The following CPLANE2 variants were observed in gnomAD, a reference collection of about 807,000 sequenced individuals.
CPLANE2 encodes the protein ciliogenesis and planar polarity effector complex subunit 2.
In CPLANE2, 24 loss-of-function variants were observed where a neutral mutation model predicts 20.9. That is an observed-to-expected ratio of 1.15 (90% confidence interval 0.83 to 1.61). The LOEUF is 1.61. Among genes scored for constraint, CPLANE2 ranks in the 40% most tolerant of loss-of-function variants. The pLI is 0.00. For synonymous variants in CPLANE2, 132 were observed against 144.3 expected, an observed-to-expected ratio of 0.92 and a Z score of 0.61; for missense variants, 330 against 355.1, an observed-to-expected ratio of 0.93 and a Z score of 0.57.
Position 16,236,797 on chromosome 1 carries a change from G to A in CPLANE2, c.-55C>T, listed in dbSNP as rs2081468926. ...GACAGAATGCTGAGAGCAGGGAGTG[G>A]GAAGGGGAGTGACAGTACCAAGCCG... On this transcript the variant is annotated 5_prime_UTR_variant, in exon 1 of 5. Transcript: ENST00000375599. The A allele has an allele frequency of 4.6e-6, 6 of 1,312,914 alleles. No homozygotes were observed. In the East Asian group the frequency reaches 1.5e-4, roughly 33 times the overall value. The allele number at this position is 1,312,914 out of a possible 1,614,324, so 81.3% of individuals were successfully genotyped here.
intron 1 of CPLANE2, among the ~76,000 whole-genome samples, chr1:16,234,924 A>G (rs1483521229): frequency 6.6e-6 from 1 of 152,002 alleles, no homozygotes; most frequent in African/African-American, 2.4e-5. Context: ...GGGTTTCTCC[A>G]TGTTGGTCAG....
At chr1:16,234,877 G>A (rs1370811237) in intron 1 of CPLANE2, among the ~76,000 whole-genome samples, 6 of 151,978 alleles carry the variant, frequency 3.9e-5, no homozygotes, top group South Asian at 2.1e-4. Context: ...ATAGGCATGC[G>A]CCACCATGCC....
intron 2 of CPLANE2, 87 bp from the exon 3 acceptor site, chr1:16,233,104 T>G: frequency 1.3e-5 from 19 of 1,445,196 alleles, no homozygotes; most frequent in Non-Finnish European, 1.7e-5. Flanking sequence ...GAAGAAGAGA[T>G]ACATCCCTGC....
At position 16,232,223 on chromosome 1, in the gene CPLANE2, A is replaced by G. The variant is rs972334462; in HGVS notation, c.602T>C (p.Leu201Pro). 1.9e-6 allele frequency: 3 copies of G among 1,612,222 alleles called. No individual in the cohort carries two copies. Among genetic ancestry groups the G allele is most frequent in the African/African-American group, 1.3e-5 (1 of 74,930 alleles). The change falls in exon 5 of 5, where the codon CTG becomes CCG. Residue 201 changes from leucine to proline, a missense_variant. By Grantham distance (98) the Leu-to-Pro change is moderately conservative (BLOSUM62 -3). Transcript: ENST00000375599. ...CCCCGGCACACTCTTCACCCGTAGC[A>G]GGGGCAGCTCCCAGGCCTGCCGGAA... Reference protein sequence around the residue: ...TAFRQAWELPLLRVKSVPGRR... With the variant: ...TAFRQAWELPPLRVKSVPGRR...
chr1:16,233,160 G>T, intron 2 of CPLANE2, 143 bp from the exon 3 acceptor site: 1 of 928,000 alleles, frequency 1.1e-6, no homozygotes. Flanking sequence ...TCCTTGACCC[G>T]GGATAATTCT....
In CPLANE2 at chr1:16,232,178, C is replaced by T. The variant is rs773080454; in HGVS notation, c.647G>A (p.Arg216His). Residue 216 changes from arginine to histidine, a missense_variant, in exon 5 of 5, where the codon CGC becomes CAC. Arg to His is a conservative substitution (Grantham distance 29). Coordinates refer to ENST00000375599, the MANE Select transcript of CPLANE2 (RefSeq NM_030907.4). ...CAGCCCAGCCCGCCCGTCCAGTGTG[C>T]GCCCATCAGCCAGCCGCCGCCCCGG... is the stretch of plus-strand genomic sequence containing the variant. Reference protein sequence around the residue: ...SVPGRRLADGRTLDGRAGLAD... With the variant: ...SVPGRRLADGHTLDGRAGLAD... 2.7e-5 allele frequency: 43 copies of T among 1,613,078 alleles called. No homozygotes were observed. In the South Asian group the frequency reaches 4.4e-4, roughly 16 times the overall value.
intron 2 of CPLANE2, 64 bp downstream of exon 2, chr1:16,233,548 G>A (rs1202956178): frequency 1.3e-6 from 2 of 1,586,544 alleles, no homozygotes; most frequent in East Asian, 2.2e-5. Flanking sequence ...TCCAGGGCCA[G>A]GTTCTTGCCT....
rs780212789 is a variant in CPLANE2, at chr1:16,232,153, C to T, written c.672G>A (p.Leu224=). The T allele has an allele frequency of 8.1e-6, 13 of 1,613,236 alleles. No homozygotes were observed. Among genetic ancestry groups the T allele is most frequent in the Non-Finnish European group, 1.1e-5 (13 of 1,179,986 alleles). Residue 224 remains leucine, a synonymous_variant, in exon 5 of 5, where the codon CTG becomes CTA. Coordinates refer to ENST00000375599, the MANE Select transcript of CPLANE2 (RefSeq NM_030907.4). ...CATTGAGTATGTGGGCAACGTCGGCCAGCCCAGCCCGCCCGTCCAGTGTGC... is the reference window on the plus strand; with the variant it reads ...CATTGAGTATGTGGGCAACGTCGGCTAGCCCAGCCCGCCCGTCCAGTGTGC... ...DGRTLDGRAG[L]ADVAHILNGL...
In CPLANE2 at chr1:16,232,888, C is replaced by A; in HGVS notation, c.390+5G>T. On this transcript the variant is annotated splice_donor_5th_base_variant and intron_variant, in intron 3 of 4. Coordinates refer to ENST00000375599, the MANE Select transcript of CPLANE2 (RefSeq NM_030907.4). The stretch of plus-strand genomic sequence containing the variant: ...GAACCCACCCAGGCCCACATGCCTG[C>A]TCACCAGCAGCATATGATCGAACTT... 6.2e-7 allele frequency: 1 copy of A among 1,614,084 alleles called. No homozygotes were observed. Among genetic ancestry groups the A allele is most frequent in the East Asian group, 2.2e-5 (1 of 44,872 alleles).
intron 1 of CPLANE2, among the ~76,000 whole-genome samples, chr1:16,236,387 T>G (rs1485551353): frequency 6.6e-6 from 1 of 152,240 alleles, no homozygotes; most frequent in African/African-American, 2.4e-5. Flanking sequence ...TGACAGTGGT[T>G]GCTGGCAAGG....
At chr1:16,233,821 C>T (rs760474257) in intron 1 of CPLANE2, 57 bp from the exon 2 acceptor site, 37 of 1,598,866 alleles carry the variant, frequency 2.3e-5, no homozygotes, top group Non-Finnish European at 3.0e-5. Flanking sequence ...GAAGGTGTCC[C>T]CCAGAGTTCA....
Position 16,233,679 on chromosome 1 carries a change from C to T in CPLANE2, c.198G>A (p.Val66=), listed in dbSNP as rs757426072. ...YKIFVSGKSG[V]GKTALVAKLA... is the part of the protein sequence containing the mutation. The stretch of plus-strand genomic sequence containing the variant: ...GCTTGGCCACCAGCGCCGTCTTGCC[C>T]ACACCACTCTTCCCGGACACAAAGA... The change falls in exon 2 of 5, where the codon GTG becomes GTA. Residue 66 remains valine, a synonymous_variant. Coordinates refer to ENST00000375599, the MANE Select transcript of CPLANE2 (RefSeq NM_030907.4). 6.2e-7 allele frequency: 1 copy of T among 1,614,198 alleles called. No individual in the cohort carries two copies. The highest frequency in any genetic ancestry group is 2.2e-5 in the East Asian group (1 of 44,878).
Position 16,231,934 on chromosome 1 carries a change from TG to T in CPLANE2, c.*113del, listed in dbSNP as rs2081422442. 10 of 1,444,106 alleles carry T rather than the reference TG, an allele frequency of 6.9e-6. No homozygotes were observed. Among genetic ancestry groups the T allele is most frequent in the Non-Finnish European group, 9.4e-6 (10 of 1,066,100 alleles). The allele number at this position is 1,444,106 out of a possible 1,614,324, so 89.5% of individuals were successfully genotyped here. On this transcript the variant is annotated 3_prime_UTR_variant, in exon 5 of 5. Coordinates refer to ENST00000375599, the MANE Select transcript of CPLANE2 (RefSeq NM_030907.4). ...GGGCCTTCTCTGGCCACATCCTCCC[TG>T]ATCAGGCCATGCTGGCCAGTCCTCC...
intron 2 of CPLANE2, 96 bp from the exon 3 acceptor site, chr1:16,233,113 G>T (rs138884350): frequency 1.2e-3 from 1,626 of 1,366,762 alleles, no homozygotes; most frequent in African/African-American, 6.9e-3. Flanking sequence ...ATACATCCCT[G>T]CCCTGATGGG....
rs533597959 is a variant in CPLANE2 at position 16,232,273 on chromosome 1, G to A, written c.552C>T (p.Asp184=). 5 of 1,608,676 alleles carry A rather than the reference G, an allele frequency of 3.1e-6. No individual in the cohort carries two copies. The highest frequency in any genetic ancestry group is 3.4e-5 in the Admixed American group (2 of 59,644). The change falls in exon 5 of 5, where the codon GAC becomes GAT. Residue 184 remains aspartate, a synonymous_variant. Coordinates refer to ENST00000375599, the MANE Select transcript of CPLANE2 (RefSeq NM_030907.4). Reference sequence around the variant, plus strand: ...AGGCTGTGAGGTCCCGCTCGGGCACGTCCGTGTGCATGTACTGGTCAAATC... The same window carrying A: ...AGGCTGTGAGGTCCCGCTCGGGCACATCCGTGTGCATGTACTGGTCAAATC... ...GSKFDQYMHT[D]VPERDLTAFR...
At chr1:16,234,181 C>T (rs2081446153) in intron 1 of CPLANE2, among the ~76,000 whole-genome samples, 1 of 152,114 alleles carries the variant, frequency 6.6e-6, no homozygotes, top group African/African-American at 2.4e-5. Context: ...GGGCAGATCA[C>T]CTGAGGTCAG....
intron 1 of CPLANE2, among the ~76,000 whole-genome samples, chr1:16,235,677 CT>C (rs34360746): frequency 0.019 from 2,268 of 117,264 alleles, 17 homozygotes; most frequent in Non-Finnish European, 0.026. Flanking sequence ...ATTAGAGGGT[CT>C]TTTTTTTTTT....
In CPLANE2 at chr1:16,233,707, T is replaced by C; in HGVS notation, c.170A>G (p.Lys57Arg). 6.2e-7 allele frequency: 1 copy of C among 1,614,158 alleles called. No homozygotes were observed. The highest frequency in any genetic ancestry group is 2.2e-5 in the East Asian group (1 of 44,880). Residue 57 changes from lysine (K) to arginine (R), a missense_variant, in exon 2 of 5, where the codon AAG becomes AGG. Physicochemically the swap from Lys to Arg is conservative, Grantham distance 26 (BLOSUM62 2). Coordinates refer to ENST00000375599, the MANE Select transcript of CPLANE2 (RefSeq NM_030907.4). ...ACCACTCTTCCCGGACACAAAGATC[T>C]TGTAGCTGGCAGTGTCAATGGACAC... Reference protein sequence around the residue: ...PPVSIDTASYKIFVSGKSGVG... With the variant: ...PPVSIDTASYRIFVSGKSGVG...
Position 16,232,887 on chromosome 1 carries a change from G to T in CPLANE2, c.390+6C>A. ...AGAACCCACCCAGGCCCACATGCCTGCTCACCAGCAGCATATGATCGAACT... is the reference window on the plus strand; with the variant it reads ...AGAACCCACCCAGGCCCACATGCCTTCTCACCAGCAGCATATGATCGAACT... On this transcript the variant is annotated splice_donor_region_variant and intron_variant, in intron 3 of 4. Transcript: ENST00000375599. The T allele has an allele frequency of 6.2e-7, 1 of 1,614,050 alleles. No individual in the cohort carries two copies. Among genetic ancestry groups the T allele is most frequent in the Non-Finnish European group, 8.5e-7 (1 of 1,179,946 alleles).
Sources: gnomAD v4.1 joint callset for allele counts (sites outside exome capture counted in the v4.1 genomes callset) on GRCh38, gnomAD v4.1.1 for gene constraint, MANE v1.5 for transcripts, NCBI Gene and HGNC (gene_info 2026-07-23, HGNC 2026-07-21) for gene names.